Variants in SPAG16 observed in about 807,000 individuals in gnomAD.
SPAG16 encodes the protein sperm-associated antigen 16 protein.
A neutral mutation model predicts 80.4 loss-of-function variants in SPAG16; 86 were observed. The observed-to-expected ratio is 1.07, with a 90% CI of 0.90 to 1.28. SPAG16 has a LOEUF of 1.28. Among genes scored for constraint, SPAG16 ranks in the 50% most tolerant of loss-of-function variants. SPAG16 has a pLI of 0.00. For synonymous variants in SPAG16, 294 were observed against 265.9 expected, an observed-to-expected ratio of 1.11 and a Z score of -1.03; for missense variants, 870 against 765.3, an observed-to-expected ratio of 1.14 and a Z score of -1.61.
chr2:213,586,107 T>C (rs543618613), intron 10 of SPAG16, among the ~76,000 whole-genome samples: 5 of 152,324 alleles, frequency 3.3e-5, no homozygotes, highest in African/African-American at 1.2e-4. Context: ...ATAACAATTA[T>C]TATTTGAAAT....
chr2:213,350,658 T>G lies in SPAG16; in HGVS notation c.762+13T>G. 7.1e-7 allele frequency: 1 copy of G among 1,412,040 alleles called. No individual in the cohort carries two copies. Among genetic ancestry groups the G allele is most frequent in the Non-Finnish European group, 9.7e-7 (1 of 1,033,778 alleles). The allele number at this position is 1,412,040 out of a possible 1,614,324, so 87.5% of individuals were successfully genotyped here. ...AGTAGTTGGGCAGGTAAAGATATAG[T>G]CAAAGCTAACTTAAAATGATCTTTT... On this transcript the variant is annotated intron_variant, in intron 7 of 15. Transcript: ENST00000331683.
chr2:214,381,988 C>A (rs1019533278), intron 15 of SPAG16, among the ~76,000 whole-genome samples: 4 of 152,218 alleles, frequency 2.6e-5, no homozygotes, highest in Admixed American at 2.6e-4. Context: ...GTTCCTTGGG[C>A]AAAAGGTTAA....
intron 3 of SPAG16, among the ~76,000 whole-genome samples, chr2:213,297,709 GT>G: frequency 6.6e-6 from 1 of 151,852 alleles, no homozygotes; most frequent in Non-Finnish European, 1.5e-5. Flanking sequence ...AACATTTTGT[GT>G]TTTTTTACAT....
At chr2:213,372,402 C>G (rs1327184211) in intron 8 of SPAG16, among the ~76,000 whole-genome samples, 1 of 152,014 alleles carries the variant, frequency 6.6e-6, no homozygotes, top group Non-Finnish European at 1.5e-5. Flanking sequence ...AAATAAATGT[C>G]ATATATAGTA....
At position 214,371,685 on chromosome 2, in the gene SPAG16, A is replaced by ATTT. The variant is rs368005487; in HGVS notation, c.1721-38444_1721-38442dup. Among the ~76,000 whole-genome samples the ATTT allele has an allele frequency of 9.3e-3, 1,329 of 143,012 alleles. 29 individuals carry two copies. Among genetic ancestry groups the ATTT allele is most frequent in the South Asian group, 0.033 (149 of 4,552 alleles). The allele number at this position is 143,012 out of a possible 152,430, so 93.8% of individuals were successfully genotyped here. A position where few individuals can be genotyped will look rare whatever the true frequency, so the allele number is the denominator to read the frequency against. On this transcript the variant is annotated intron_variant, in intron 15 of 15. Transcript: ENST00000331683. ...TATAAATATATAGTTATAGATAATA[A>ATTT]TTTTTTTTTTTTTGAGACTGAGTCT...
At chr2:213,792,542 G>A (rs1019909474) in intron 10 of SPAG16, among the ~76,000 whole-genome samples, 5 of 147,736 alleles carry the variant, frequency 3.4e-5, no homozygotes, top group Admixed American at 2.0e-4. Context: ...TCATCAAACA[G>A]CATTGCTTCC....
At position 214,313,124 on chromosome 2, in the gene SPAG16, TA is replaced by T. The variant is rs367616594; in HGVS notation, c.1721-97007del. Among the ~76,000 whole-genome samples the T allele has an allele frequency of 1.2e-3, 179 of 151,198 alleles. 1 individual carries two copies. In the Middle Eastern group the frequency reaches 0.014, roughly 12 times the overall value. On this transcript the variant is annotated intron_variant, in intron 15 of 15. Coordinates refer to ENST00000331683, the MANE Select transcript of SPAG16 (RefSeq NM_024532.5). ...ATTGTTTTCAGTAAACAAAATACTT[TA>T]AAAAAAAACAGGTAAGTCAAATCAA... is the stretch of plus-strand genomic sequence containing the variant.
At chr2:213,772,791 G>C (rs1319495613) in intron 10 of SPAG16, among the ~76,000 whole-genome samples, 3 of 152,092 alleles carry the variant, frequency 2.0e-5, no homozygotes, top group African/African-American at 7.2e-5. Flanking sequence ...AGTTGAACCT[G>C]TACATCAATT....
intron 10 of SPAG16, among the ~76,000 whole-genome samples, chr2:213,646,156 TTTTTC>T: frequency 6.6e-6 from 1 of 152,140 alleles, no homozygotes; most frequent in Admixed American, 6.5e-5. Flanking sequence ...TTCAAAACTG[TTTTTC>T]CTATCCCTTC....
At chr2:213,755,432 A>ATCAT in intron 10 of SPAG16, among the ~76,000 whole-genome samples, 1 of 152,350 alleles carries the variant, frequency 6.6e-6, no homozygotes, top group Non-Finnish European at 1.5e-5. Flanking sequence ...TGGTAGAGAC[A>ATCAT]TCATTTCTCC....
In SPAG16 at chr2:214,045,265, A is replaced by G. The variant is rs1009339784; in HGVS notation, c.1527+31188A>G. Reference sequence around the variant, plus strand: ...CTCCTTTCCAGGCCCTAGCTCCTGGATGACGTTTCTAGATATACCCTGGGC... The same window carrying G: ...CTCCTTTCCAGGCCCTAGCTCCTGGGTGACGTTTCTAGATATACCCTGGGC... On this transcript the variant is annotated intron_variant, in intron 13 of 15. Transcript: ENST00000331683. Among the ~76,000 whole-genome samples, 11 of 152,278 alleles carry G rather than the reference A, an allele frequency of 7.2e-5. No individual in the cohort carries two copies. In the South Asian group the frequency reaches 2.1e-3, roughly 29 times the overall value.
chr2:214,355,468 A>G (rs1265949984), intron 15 of SPAG16, among the ~76,000 whole-genome samples: 2 of 144,892 alleles, frequency 1.4e-5, no homozygotes, highest in African/African-American at 2.5e-5. Flanking sequence ...CAAAACCACA[A>G]TGAGATACCA....
intron 15 of SPAG16, among the ~76,000 whole-genome samples, chr2:214,259,744 T>C (rs1690997400): frequency 6.6e-6 from 1 of 152,106 alleles, no homozygotes; most frequent in East Asian, 1.9e-4. Flanking sequence ...CTAAATTTGG[T>C]TGTTTTAATA....
intron 12 of SPAG16, among the ~76,000 whole-genome samples, chr2:214,001,634 C>T (rs1321384616): frequency 6.6e-6 from 1 of 152,164 alleles, no homozygotes; most frequent in East Asian, 1.9e-4. Context: ...TTATAATATT[C>T]AGGTAAAATA....
intron 10 of SPAG16, among the ~76,000 whole-genome samples, chr2:213,826,465 T>A (rs1465890378): frequency 6.6e-6 from 1 of 151,550 alleles, no homozygotes; most frequent in East Asian, 1.9e-4. Context: ...TTTCAAGAAA[T>A]TTTTCAATTT....
intron 14 of SPAG16, among the ~76,000 whole-genome samples, chr2:214,131,626 T>TA (rs11463113): frequency 0.49 from 73,170 of 149,786 alleles, 18,294 homozygotes; most frequent in South Asian, 0.66. Flanking sequence ...ACTCGGGACT[T>TA]AAAAAAAAAA....
chr2:214,389,749 T>C (rs1700960584), intron 15 of SPAG16, among the ~76,000 whole-genome samples: 1 of 152,244 alleles, frequency 6.6e-6, no homozygotes. Context: ...TTTGAATCCA[T>C]TTTTACTAAA....
chr2:213,943,744 A>T (rs139308931), intron 12 of SPAG16, among the ~76,000 whole-genome samples: 1,750 of 152,310 alleles, frequency 0.011, 19 homozygotes, highest in Non-Finnish European at 0.017. Flanking sequence ...AAACTTAGAG[A>T]TTTGGAAAAT....
intron 10 of SPAG16, among the ~76,000 whole-genome samples, chr2:213,589,666 A>C (rs1318362206): frequency 1.3e-5 from 2 of 152,150 alleles, no homozygotes; most frequent in Non-Finnish European, 2.9e-5. Flanking sequence ...TCACACCTGT[A>C]ATCCCGGCAC....
Sources: gnomAD v4.1 joint callset for allele counts (sites outside exome capture counted in the v4.1 genomes callset) on GRCh38, gnomAD v4.1.1 for gene constraint, MANE v1.5 for transcripts, NCBI Gene and HGNC (gene_info 2026-07-23, HGNC 2026-07-21) for gene names.